The following ZNF593OS variants were observed in gnomAD, a reference collection of about 807,000 sequenced individuals.
The protein encoded by ZNF593OS is ZNF593 opposite strand.
downstream of ZNF593OS, chr1:26,170,248 A>C: frequency 6.3e-7 from 1 of 1,577,812 alleles, no homozygotes; most frequent in Non-Finnish European, 8.6e-7. Context: ...GGAGATGTGA[A>C]GTTGAAGCCC....
At chr1:26,170,237 G>A, downstream of ZNF593OS, 1 of 1,581,950 alleles carries the variant, frequency 6.3e-7, no homozygotes, top group Non-Finnish European at 8.6e-7. Flanking sequence ...GGTACCGGCC[G>A]GGAGATGTGA....
At chr1:26,170,936 A>C (rs752050406) in exon 2 of ZNF593OS, 55 of 628,528 alleles carry the variant, frequency 8.8e-5, no homozygotes, top group Non-Finnish European at 1.4e-4. Flanking sequence ...GGGCTTCTCT[A>C]CTACTTTCTG....
At chr1:26,170,593 C>G (rs1450161790) in exon 2 of ZNF593OS, 2 of 1,613,826 alleles carry the variant, frequency 1.2e-6, no homozygotes, top group South Asian at 1.1e-5. Context: ...AGCTGAGCGT[C>G]GAGCCCTACA....
chr1:26,170,388 T>A, downstream of ZNF593OS: 1 of 1,603,162 alleles, frequency 6.2e-7, no homozygotes, highest in Non-Finnish European at 8.5e-7. Context: ...TATCACCTCC[T>A]CACTCTCCTT....
At position 26,171,515 on chromosome 1, in the gene ZNF593OS, G is replaced by T. The variant is rs1022516274; in HGVS notation, c.45+102C>A. On this transcript the variant is annotated intron_variant, in intron 1 of 1. Coordinates refer to ENST00000648649, the Ensembl canonical transcript of ZNF593OS. This position sits in a 1 kb window ranked among gnomAD's most constrained non-coding sequence, Gnocchi z 5.5. ...CCCATCTGGGCCTGCCTGCTCAGGCGGCAGGGAACGTGACAGCCTGGCTGT... is the reference window on the plus strand; with the variant it reads ...CCCATCTGGGCCTGCCTGCTCAGGCTGCAGGGAACGTGACAGCCTGGCTGT... 6 of 398,448 alleles carry T rather than the reference G, an allele frequency of 1.5e-5. No homozygotes were observed. 24.7% of individuals were successfully genotyped at this position (398,448 alleles called of 1,614,324 possible). A position where few individuals can be genotyped will look rare whatever the true frequency, so the allele number is the denominator to read the frequency against.
At chr1:26,169,960 T>A, downstream of ZNF593OS, 1 of 1,525,314 alleles carries the variant, frequency 6.6e-7, no homozygotes, top group South Asian at 1.2e-5. Context: ...CCTGGCCCCT[T>A]GGCCGGCCGG....
chr1:26,169,976 T>A, downstream of ZNF593OS: 2 of 1,537,670 alleles, frequency 1.3e-6, no homozygotes, highest in Non-Finnish European at 1.7e-6. Flanking sequence ...GCCGGGCTGT[T>A]TCTGGCCATG....
chr1:26,169,899 G>A, downstream of ZNF593OS: 1 of 1,371,284 alleles, frequency 7.3e-7, no homozygotes. Flanking sequence ...GGCGTGGCCT[G>A]ACGTAGCTGA....
At chr1:26,169,824 C>A, downstream of ZNF593OS, 2 of 768,100 alleles carry the variant, frequency 2.6e-6, no homozygotes, top group Non-Finnish European at 3.8e-6. Context: ...CGCCTGGCGG[C>A]GCTCGAGCCG....
chr1:26,170,148 G>A (rs34648771), downstream of ZNF593OS: 1,313 of 1,571,506 alleles, frequency 8.4e-4, 4 homozygotes, highest in African/African-American at 0.012. Flanking sequence ...ACCCCGACCT[G>A]CCAGGGGGCG....
At chr1:26,170,451 C>A, downstream of ZNF593OS, 1 of 1,614,186 alleles carries the variant, frequency 6.2e-7, no homozygotes, top group Non-Finnish European at 8.5e-7. Flanking sequence ...ACCTGAAGAC[C>A]CACTTCCGAT....
At chr1:26,169,534 T>A (rs1054648212), downstream of ZNF593OS, 1 of 165,132 alleles carries the variant, frequency 6.1e-6, no homozygotes, top group Non-Finnish European at 1.3e-5. Context: ...ATTTACTAAT[T>A]TATTCATGAC....
At position 26,171,207 on chromosome 1, in the gene ZNF593OS, C is replaced by G; in HGVS notation, c.174G>C (p.Arg58=). The G allele has an allele frequency of 2.5e-6, 1 of 406,924 alleles. No homozygotes were observed. Among genetic ancestry groups the G allele is most frequent in the South Asian group, 1.1e-4 (1 of 8,958 alleles). 25.2% of individuals were successfully genotyped at this position (406,924 alleles called of 1,614,324 possible). A position where few individuals can be genotyped will look rare whatever the true frequency, so the allele number is the denominator to read the frequency against. Reference sequence around the variant, plus strand: ...TTCTTCGTTACGGGGCCCGTGGCACCCGCCGCTGCCCCACCATCTTCCAGA... The same window carrying G: ...TTCTTCGTTACGGGGCCCGTGGCACGCGCCGCTGCCCCACCATCTTCCAGA... The change falls in exon 2 of 2, where the codon CGG becomes CGC. Residue 58 remains arginine, a synonymous_variant. Transcript: ENST00000648649. This position sits in a 1 kb window ranked among gnomAD's most constrained non-coding sequence, Gnocchi z 5.5.
downstream of ZNF593OS, chr1:26,170,060 C>A: frequency 6.4e-7 from 1 of 1,573,530 alleles, no homozygotes; most frequent in East Asian, 2.3e-5. Context: ...CGGCGGCGGC[C>A]GGACTTGGAT....
Position 26,171,049 on chromosome 1 carries a change from T to C in ZNF593OS, c.*140A>G. On this transcript the variant is annotated 3_prime_UTR_variant, in exon 2 of 2. Transcript: ENST00000648649. The surrounding 1 kb of genome is among the most constrained non-coding windows in gnomAD (Gnocchi z 5.5). ...GCACCCAGATGGAGGCCTGATGCAG[T>C]GTGGGGTGGCGGGAGTGGGATCAGA... 2.0e-6 allele frequency: 1 copy of C among 494,822 alleles called. No individual in the cohort carries two copies. Among genetic ancestry groups the C allele is most frequent in the Non-Finnish European group, 3.5e-6 (1 of 282,252 alleles). 30.7% of individuals were successfully genotyped at this position (494,822 alleles called of 1,614,324 possible).
At chr1:26,169,630 G>T (rs1393851795), downstream of ZNF593OS, 6 of 330,798 alleles carry the variant, frequency 1.8e-5, no homozygotes, top group African/African-American at 1.3e-4. Context: ...AGGGATGACA[G>T]GAGTACAGGT....
At chr1:26,169,951 C>T (rs1248561680), downstream of ZNF593OS, 2 of 1,518,942 alleles carry the variant, frequency 1.3e-6, no homozygotes, top group Non-Finnish European at 1.8e-6. Context: ...TGCCCTGCTC[C>T]TGGCCCCTTG....
At chr1:26,170,200 C>T (rs1569860699), downstream of ZNF593OS, 2 of 1,576,022 alleles carry the variant, frequency 1.3e-6, no homozygotes, top group Middle Eastern at 1.7e-4. Flanking sequence ...CCCGGACGAG[C>T]CCGGCCTGGG....
In ZNF593OS at chr1:26,171,140, C is replaced by T. The variant is rs1038513590; in HGVS notation, c.*49G>A. On this transcript the variant is annotated 3_prime_UTR_variant, in exon 2 of 2. Transcript: ENST00000648649. This position sits in a 1 kb window ranked among gnomAD's most constrained non-coding sequence, Gnocchi z 5.5. ...AGAAGGCTTCTGAGATTGCACCCCCCTCCCGAGTCACCTACCCCCAGCATC... is the reference window on the plus strand; with the variant it reads ...AGAAGGCTTCTGAGATTGCACCCCCTTCCCGAGTCACCTACCCCCAGCATC... 2.4e-5 allele frequency: 10 copies of T among 409,676 alleles called. No homozygotes were observed. Among genetic ancestry groups the T allele is most frequent in the Non-Finnish European group, 4.3e-5 (10 of 232,162 alleles). 25.4% of individuals were successfully genotyped at this position (409,676 alleles called of 1,614,324 possible). A position where few individuals can be genotyped will look rare whatever the true frequency, so the allele number is the denominator to read the frequency against.
Sources: gnomAD v4.1 joint callset for allele counts on GRCh38, gnomAD v4.1.1 for gene constraint, Gnocchi (gnomAD v3.1) non-coding constraint, MANE v1.5 for transcripts, NCBI Gene and HGNC (gene_info 2026-07-23, HGNC 2026-07-21) for gene names.